TNRC6B: variants seen among roughly 807,000 people sequenced by gnomAD.
The protein encoded by TNRC6B is trinucleotide repeat-containing gene 6B protein.
Under a neutral mutation model 203.6 loss-of-function variants are expected in TNRC6B, and 52 were observed. The observed-to-expected ratio is 0.26, with a 90% CI of 0.20 to 0.32. The LOEUF (loss-of-function observed/expected upper bound fraction) is 0.32. TNRC6B is among the 10% of genes least tolerant of loss of function. The pLI is 1.00. For missense variants in TNRC6B, 1,923 were observed against 2,286.2 expected (o/e 0.84, Z 3.24); for synonymous variants, 838 against 845.7 (o/e 0.99, Z 0.16).
chr22:40,277,389 G>T (rs2146517902), intron 8 of TNRC6B, among the ~76,000 whole-genome samples: 1 of 152,250 alleles, frequency 6.6e-6, no homozygotes, highest in Non-Finnish European at 1.5e-5. Context: ...TTCCTTAGGA[G>T]GATAGAGAAG....
intron 1 of TNRC6B, among the ~76,000 whole-genome samples, chr22:40,109,783 C>G (rs2068316966): frequency 1.3e-5 from 2 of 152,210 alleles, no homozygotes; most frequent in African/African-American, 2.4e-5. Flanking sequence ...CACAGGTTAT[C>G]TAGCTCACCG....
At chr22:40,227,711 A>C (rs1392481633) in intron 1 of TNRC6B, among the ~76,000 whole-genome samples, 1 of 152,160 alleles carries the variant, frequency 6.6e-6, no homozygotes, top group South Asian at 2.1e-4. Flanking sequence ...ACTGCTAGCA[A>C]TCTGATTTCA....
chr22:40,132,943 CAAAAAAAAAAA>C (rs71199270), intron 3 of TNRC6B, among the ~76,000 whole-genome samples: 2 of 23,878 alleles, frequency 8.4e-5, no homozygotes, highest in Non-Finnish European at 1.3e-4. Context: ...GACTCTGTCT[CAAAAAAAAAAA>C]AAAAAAAAAA....
intron 1 of TNRC6B, among the ~76,000 whole-genome samples, chr22:40,207,258 C>T (rs558481786): frequency 8.0e-4 from 121 of 151,986 alleles, no homozygotes; most frequent in African/African-American, 2.7e-3. Context: ...AACAGGATAA[C>T]ATGGCTGGGC....
At chr22:40,156,761 T>G (rs1055433923) in intron 4 of TNRC6B, among the ~76,000 whole-genome samples, 4 of 150,662 alleles carry the variant, frequency 2.7e-5, no homozygotes, top group South Asian at 2.1e-4. Flanking sequence ...GTTGGTTTTT[T>G]TTTTTTTTTT....
intron 1 of TNRC6B, among the ~76,000 whole-genome samples, chr22:40,049,395 C>T (rs538625292): frequency 2.0e-5 from 3 of 152,088 alleles, no homozygotes; most frequent in Non-Finnish European, 4.4e-5. Context: ...CCTTTTGGGG[C>T]GTCGTTCCTT....
chr22:40,287,009 A>T (rs2070793923), intron 12 of TNRC6B, among the ~76,000 whole-genome samples: 1 of 151,916 alleles, frequency 6.6e-6, no homozygotes, highest in Non-Finnish European at 1.5e-5. Context: ...TTGTGTTTTT[A>T]TTTATTTTTA....
chr22:40,094,071 G>C (rs971733608), intron 1 of TNRC6B, among the ~76,000 whole-genome samples: 2 of 152,040 alleles, frequency 1.3e-5, no homozygotes, highest in Middle Eastern at 3.4e-3. Context: ...CCACGTAAAT[G>C]TATACAACTA....
At chr22:40,256,012 C>G (rs1438183501) in intron 3 of TNRC6B, among the ~76,000 whole-genome samples, 1 of 152,172 alleles carries the variant, frequency 6.6e-6, no homozygotes, top group Non-Finnish European at 1.5e-5. Flanking sequence ...GCCACCACGC[C>G]TGGCTAATTT....
intron 1 of TNRC6B, among the ~76,000 whole-genome samples, chr22:40,232,889 C>T (rs560321599): frequency 6.6e-6 from 1 of 152,114 alleles, no homozygotes; most frequent in Non-Finnish European, 1.5e-5. Context: ...CGATGGCTCA[C>T]GCCTGTAATC....
chr22:40,070,305 CTTTTTA>C (rs979307164), intron 1 of TNRC6B, among the ~76,000 whole-genome samples: 26 of 152,172 alleles, frequency 1.7e-4, no homozygotes, highest in Admixed American at 1.6e-3. Context: ...GATTTTGTGA[CTTTTTA>C]TTTGATTTGA....
chr22:40,299,198 C>A (rs568749338), intron 12 of TNRC6B, among the ~76,000 whole-genome samples: 6 of 149,728 alleles, frequency 4.0e-5, no homozygotes, highest in Admixed American at 6.6e-5. Flanking sequence ...GCAGGCAGAG[C>A]TGGGATTACA....
At chr22:40,255,228 A>G (rs1254855989) in intron 3 of TNRC6B, among the ~76,000 whole-genome samples, 2 of 152,254 alleles carry the variant, frequency 1.3e-5, no homozygotes, top group East Asian at 1.9e-4. Context: ...TGGTGAGTCA[A>G]AGCCAACAGG....
chr22:40,091,230 G>A (rs1055050984), intron 1 of TNRC6B, among the ~76,000 whole-genome samples: 12 of 151,994 alleles, frequency 7.9e-5, no homozygotes, highest in Non-Finnish European at 1.3e-4. Flanking sequence ...TGATCCGCCC[G>A]CCTCAGCCTC....
At chr22:40,100,775 A>G (rs1475300068) in intron 1 of TNRC6B, among the ~76,000 whole-genome samples, 2 of 152,142 alleles carry the variant, frequency 1.3e-5, no homozygotes, top group Non-Finnish European at 2.9e-5. Context: ...ATACTGAGGG[A>G]TGAGTGTATT....
chr22:40,221,118 C>T (rs910210309), intron 1 of TNRC6B, among the ~76,000 whole-genome samples: 2 of 152,160 alleles, frequency 1.3e-5, no homozygotes, highest in African/African-American at 2.4e-5. Context: ...AGCATTCCTT[C>T]TTGGGTCTGG....
chr22:40,063,709 G>A (rs190229392), intron 1 of TNRC6B, among the ~76,000 whole-genome samples: 58 of 141,634 alleles, frequency 4.1e-4, no homozygotes, highest in African/African-American at 1.3e-3. Flanking sequence ...CTTTTTTTTC[G>A]TTTTTGTTTT....
intron 1 of TNRC6B, among the ~76,000 whole-genome samples, chr22:40,064,535 G>A (rs1354825497): frequency 6.6e-6 from 1 of 151,350 alleles, no homozygotes; most frequent in Non-Finnish European, 1.5e-5. Flanking sequence ...TACTGATGTG[G>A]TATATTACAT....
Position 40,334,450 on chromosome 22 carries a change from A to G in TNRC6B, c.*11209A>G, listed in dbSNP as rs780240851. On this transcript the variant is annotated 3_prime_UTR_variant, in exon 23 of 23. Coordinates refer to ENST00000454349, the MANE Select transcript of TNRC6B (RefSeq NM_001162501.2). ...CAACAGCTCAACTGTTCCCACTCCT[A>G]ACTCTCCACTATGTGCTTATAACTT... The G allele has an allele frequency of 2.0e-5, 3 of 152,532 alleles. No individual in the cohort carries two copies. Among genetic ancestry groups the G allele is most frequent in the Non-Finnish European group, 4.4e-5 (3 of 68,014 alleles). 9.4% of individuals were successfully genotyped at this position (152,532 alleles called of 1,614,324 possible).
Sources: gnomAD v4.1 joint callset for allele counts (sites outside exome capture counted in the v4.1 genomes callset) on GRCh38, gnomAD v4.1.1 for gene constraint, MANE v1.5 for transcripts, NCBI Gene and HGNC (gene_info 2026-07-23, HGNC 2026-07-21) for gene names.